The following SLC25A26 variants were observed in gnomAD, a reference collection of about 807,000 sequenced individuals.
The protein encoded by SLC25A26 is solute carrier family 25 member 26.
Under a neutral mutation model 37.8 loss-of-function variants are expected in SLC25A26, and 36 were observed. The ratio of observed to expected loss-of-function variants is 0.95; its 90% CI spans 0.73 to 1.26. The LOEUF is 1.26. Among genes scored for constraint, SLC25A26 ranks in the 50% most tolerant of loss-of-function variants. The pLI is 0.00. For missense variants in SLC25A26, 390 were observed against 331.1 expected, an observed-to-expected ratio of 1.18 and a Z score of -1.38; for synonymous variants, 129 against 122.5, an observed-to-expected ratio of 1.05 and a Z score of -0.35.
chr3:66,135,437 T>G (rs926094091), intron 1 of SLC25A26, among the ~76,000 whole-genome samples: 2 of 152,166 alleles, frequency 1.3e-5, no homozygotes, highest in African/African-American at 4.8e-5. Flanking sequence ...TACAGAATCA[T>G]TAATGTTGGC....
intron 3 of SLC25A26, among the ~76,000 whole-genome samples, chr3:66,246,924 C>T (rs529420046): frequency 3.3e-5 from 5 of 152,122 alleles, no homozygotes; most frequent in African/African-American, 4.8e-5. Flanking sequence ...TGCAGTGGCG[C>T]GATCTCGGCT....
intron 5 of SLC25A26, among the ~76,000 whole-genome samples, chr3:66,281,617 C>G (rs2074340604): frequency 6.6e-6 from 1 of 152,046 alleles, no homozygotes; most frequent in Non-Finnish European, 1.5e-5. Flanking sequence ...AGACAGTTTA[C>G]TCGTTTAAAG....
chr3:66,270,603 G>C (rs1223285977), intron 5 of SLC25A26, among the ~76,000 whole-genome samples: 1 of 152,122 alleles, frequency 6.6e-6, no homozygotes, highest in African/African-American at 2.4e-5. Context: ...TTTTATCATA[G>C]AGGTTTATAA....
chr3:66,235,657 C>G (rs2072242161), intron 1 of SLC25A26, among the ~76,000 whole-genome samples: 1 of 152,036 alleles, frequency 6.6e-6, no homozygotes, highest in Non-Finnish European at 1.5e-5. Flanking sequence ...TTAGTTAAGA[C>G]AACAATATAA....
At chr3:66,323,403 G>A (rs955695239) in intron 5 of SLC25A26, among the ~76,000 whole-genome samples, 3 of 152,226 alleles carry the variant, frequency 2.0e-5, no homozygotes, top group Non-Finnish European at 4.4e-5. Context: ...TGCTGCCCAG[G>A]CAGAGCCAAT....
chr3:66,292,761 G>A (rs1050964866), intron 5 of SLC25A26, among the ~76,000 whole-genome samples: 1 of 151,722 alleles, frequency 6.6e-6, no homozygotes, highest in Non-Finnish European at 1.5e-5. Flanking sequence ...GAATCTTGAC[G>A]ATTATGTTGC....
chr3:66,224,793 C>T (rs782774480), intron 1 of SLC25A26, among the ~76,000 whole-genome samples: 4 of 152,180 alleles, frequency 2.6e-5, no homozygotes, highest in Admixed American at 2.6e-4. Flanking sequence ...TTCCTAGATA[C>T]AATGGGGTTA....
chr3:66,302,932 G>T (rs2075116795), intron 5 of SLC25A26, among the ~76,000 whole-genome samples: 1 of 152,148 alleles, frequency 6.6e-6, no homozygotes, highest in Non-Finnish European at 1.5e-5. Context: ...AAAGATAACT[G>T]ATGCCTTAGA....
intron 6 of SLC25A26, among the ~76,000 whole-genome samples, chr3:66,349,865 T>A (rs953255473): frequency 6.6e-6 from 1 of 152,218 alleles, no homozygotes; most frequent in East Asian, 1.9e-4. Flanking sequence ...ATGTCATTTC[T>A]TGTTACTATT....
chr3:66,190,946 T>C (rs905797967), intron 1 of SLC25A26, among the ~76,000 whole-genome samples: 1 of 152,280 alleles, frequency 6.6e-6, no homozygotes, highest in Middle Eastern at 3.4e-3. Context: ...AGTTTCTGAG[T>C]TTTTTGGAGT....
At chr3:66,248,186 G>C (rs1315614382) in intron 3 of SLC25A26, among the ~76,000 whole-genome samples, 5 of 152,206 alleles carry the variant, frequency 3.3e-5, no homozygotes, top group Non-Finnish European at 7.3e-5. Flanking sequence ...TGTAGCAACA[G>C]CTTGATTAAA....
intron 5 of SLC25A26, among the ~76,000 whole-genome samples, chr3:66,345,788 T>C (rs1442946855): frequency 6.6e-6 from 1 of 152,200 alleles, no homozygotes; most frequent in African/African-American, 2.4e-5. Context: ...CTAAAGTGTT[T>C]TTATTATGCT....
At chr3:66,279,751 A>C (rs2074274873) in intron 5 of SLC25A26, among the ~76,000 whole-genome samples, 1 of 152,166 alleles carries the variant, frequency 6.6e-6, no homozygotes, top group African/African-American at 2.4e-5. Context: ...ATAAGTGGTT[A>C]AATTGATCTG....
At chr3:66,266,883 C>G (rs942707570) in intron 5 of SLC25A26, among the ~76,000 whole-genome samples, 1 of 152,084 alleles carries the variant, frequency 6.6e-6, no homozygotes, top group African/African-American at 2.4e-5. Flanking sequence ...TGGAGAGCAG[C>G]CTCATACTCT....
chr3:66,232,443 C>G (rs2072079011), intron 1 of SLC25A26, among the ~76,000 whole-genome samples: 2 of 152,156 alleles, frequency 1.3e-5, no homozygotes, highest in African/African-American at 2.4e-5. Flanking sequence ...TTGAATGCCT[C>G]CTATTAATAT....
chr3:66,239,379 A>T (rs1029897662), intron 2 of SLC25A26, among the ~76,000 whole-genome samples: 2 of 151,792 alleles, frequency 1.3e-5, no homozygotes, highest in African/African-American at 4.8e-5. Flanking sequence ...GTCCTTGGTG[A>T]CATTTTTCTT....
At chr3:66,228,714 A>G (rs1046054813) in intron 1 of SLC25A26, among the ~76,000 whole-genome samples, 1 of 152,226 alleles carries the variant, frequency 6.6e-6, no homozygotes, top group Non-Finnish European at 1.5e-5. Context: ...GAGCACTTTA[A>G]AAGTGCTTAT....
chr3:66,230,165 C>T (rs982086644), intron 1 of SLC25A26, among the ~76,000 whole-genome samples: 7 of 88,248 alleles, frequency 7.9e-5, no homozygotes, highest in East Asian at 3.4e-4. Flanking sequence ...AAGAAACACT[C>T]GGTTAGATAT....
At chr3:66,164,701 T>C (rs1359520683) in intron 1 of SLC25A26, among the ~76,000 whole-genome samples, 3 of 152,244 alleles carry the variant, frequency 2.0e-5, no homozygotes, top group African/African-American at 7.2e-5. Flanking sequence ...TGTCAATTTT[T>C]ACAACCTTTA....
Sources: allele counts gnomAD v4.1 joint callset (sites outside exome capture counted in the v4.1 genomes callset), GRCh38; gene constraint gnomAD v4.1.1; transcripts MANE v1.5; gene names NCBI Gene and HGNC (gene_info 2026-07-23, HGNC 2026-07-21).